Variants in NCOR2 observed in about 807,000 individuals in gnomAD.
NCOR2 encodes the protein nuclear receptor corepressor 2.
NCOR2 carries 81 observed loss-of-function variants against 262.9 expected under a neutral mutation model. That is an observed-to-expected ratio of 0.31 (90% CI 0.26 to 0.37). The LOEUF is 0.37. Among genes scored for constraint, NCOR2 ranks in the 10% least tolerant of loss-of-function variants. The probability of loss-of-function intolerance (pLI) is 1.00; values close to 1 mark genes in which losing one functional copy is unlikely to be tolerated. For synonymous variants in NCOR2, 1,659 were observed against 1,559.3 expected (o/e 1.06, Z -1.51); for missense variants, 3,385 against 3,621.4 (o/e 0.93, Z 1.68).
chr12:124,473,181 A>C (rs1036749536), intron 3 of NCOR2, 50 bp from the exon 6 acceptor site: 1 of 1,600,012 alleles, frequency 6.2e-7, no homozygotes, highest in Admixed American at 1.7e-5. Flanking sequence ...GACACCCCCC[A>C]GTCTGTACAA....
rs2046722736 is a variant in NCOR2 at position 124,469,606 on chromosome 12, G to C, written c.592-3320C>G. ...CTAGCTCTGCTGGGCCTGGATTCAA[G>C]CCTGAGCCCCCCGCTCACCAGCTCT... On this transcript the variant is annotated intron_variant, in intron 4 of 46. Transcript: ENST00000405201. Among the ~76,000 whole-genome samples, 2 of 152,192 alleles carry C rather than the reference G, an allele frequency of 1.3e-5. 1 individual carries two copies. Among genetic ancestry groups the C allele is most frequent in the Non-Finnish European group, 2.9e-5 (2 of 68,028 alleles).
intron 41 of NCOR2, 26 bp downstream of exon 43, chr12:124,334,398 A>C (rs760581984): frequency 3.5e-5 from 53 of 1,508,158 alleles, no homozygotes; most frequent in Non-Finnish European, 4.4e-5. Context: ...GCTGACCAGC[A>C]AGAGGCACCC....
chr12:124,446,354 T>G (rs77632995), intron 7 of NCOR2, among the ~76,000 whole-genome samples: 3,227 of 152,320 alleles, frequency 0.021, 113 homozygotes, highest in African/African-American at 0.074. Context: ...ATCACATTGC[T>G]TCCTGGGATA....
chr12:124,339,505 GCTAT>G (rs2036231011), intron 37 of NCOR2, among the ~76,000 whole-genome samples: 1 of 132,342 alleles, frequency 7.6e-6, no homozygotes, highest in Non-Finnish European at 1.6e-5. Context: ...AGCTAACCCA[GCTAT>G]CTATCCTCTC....
rs560712418 is a variant in NCOR2, at chr12:124,368,335, G to A, written c.2807+3687C>T. ...ACATTCATCGGAACATGCTGGGCCT[G>A]CAACAGTACATCCCCTCTCCACCCA... is the stretch of plus-strand genomic sequence containing the variant. On this transcript the variant is annotated intron_variant, in intron 20 of 46. Coordinates refer to ENST00000405201, the Ensembl canonical transcript of NCOR2. 6.6e-5 allele frequency among the ~76,000 whole-genome samples: 10 copies of A among 152,294 alleles called. No individual in the cohort carries two copies. In the South Asian group the frequency reaches 2.1e-3, roughly 32 times the overall value.
chr12:124,539,053 G>A (rs887056355), upstream of NCOR2: 1 of 152,152 alleles, frequency 6.6e-6, no homozygotes, highest in Admixed American at 6.5e-5. The surrounding 1 kb of genome is among the most constrained non-coding windows in gnomAD (Gnocchi z 5.1). Flanking sequence ...GCGTGGAGTC[G>A]AGGCTGCTCC....
intron 7 of NCOR2, among the ~76,000 whole-genome samples, chr12:124,444,084 C>G (rs1369191851): frequency 6.6e-6 from 1 of 152,086 alleles, no homozygotes; most frequent in Non-Finnish European, 1.5e-5. Context: ...TTTATGATGC[C>G]CACGTGTTCA....
chr12:124,479,371 ACG>A (rs1429105026), intron 3 of NCOR2, among the ~76,000 whole-genome samples: 1 of 151,748 alleles, frequency 6.6e-6, no homozygotes, highest in Non-Finnish European at 1.5e-5. Context: ...ATGCACACTC[ACG>A]CACACACACA....
intron 8 of NCOR2, among the ~76,000 whole-genome samples, chr12:124,437,719 GCC>G: frequency 6.6e-6 from 1 of 151,094 alleles, no homozygotes; most frequent in South Asian, 2.1e-4. Context: ...GGGCCATAGA[GCC>G]CCCCCACCCC....
intron 17 of NCOR2, among the ~76,000 whole-genome samples, chr12:124,385,426 C>T (rs374585194): frequency 5.6e-4 from 85 of 152,282 alleles, no homozygotes; most frequent in Non-Finnish European, 1.1e-3. Context: ...TCTGGTCCAC[C>T]GCGCTCCTTC....
At chr12:124,449,815 A>C in exon 7 of NCOR2, 1 of 1,614,024 alleles carries the variant, frequency 6.2e-7, no homozygotes, top group Non-Finnish European at 8.5e-7. Context: ...GAGCACTCAC[A>C]TTTTGATGTT....
intron 18 of NCOR2, among the ~76,000 whole-genome samples, chr12:124,376,304 C>T (rs1156582514): frequency 1.3e-5 from 2 of 152,184 alleles, no homozygotes; most frequent in South Asian, 2.1e-4. Context: ...GCAAGCGATG[C>T]GGGGGTCGTT....
chr12:124,348,327 C>A lies in NCOR2; in HGVS notation c.3845-13G>T, dbSNP rs375387777. 2 of 1,596,718 alleles carry A rather than the reference C, an allele frequency of 1.3e-6. No homozygotes were observed. The highest frequency in any genetic ancestry group is 8.5e-7 in the Non-Finnish European group (1 of 1,170,358). On this transcript the variant is annotated splice_polypyrimidine_tract_variant and intron_variant, in intron 28 of 46. Coordinates refer to ENST00000405201, the Ensembl canonical transcript of NCOR2. ...ACAGACATGCCACCTGGAAACCACACAAAGCACTCGGTGAGGAGCTGGGCA... is the reference window on the plus strand; with the variant it reads ...ACAGACATGCCACCTGGAAACCACAAAAAGCACTCGGTGAGGAGCTGGGCA...
chr12:124,479,085 G>T (rs1483301865), intron 3 of NCOR2, among the ~76,000 whole-genome samples: 1 of 152,080 alleles, frequency 6.6e-6, no homozygotes, highest in Non-Finnish European at 1.5e-5. Flanking sequence ...GGACGTGCTG[G>T]AGAGGCGGGC....
At chr12:124,430,522 T>G in intron 9 of NCOR2, 93 bp downstream of exon 11, 8 of 1,470,784 alleles carry the variant, frequency 5.4e-6, no homozygotes, top group Non-Finnish European at 7.3e-6. Context: ...GCTGTGCTGT[T>G]CTGTTCCTTC....
intron 18 of NCOR2, among the ~76,000 whole-genome samples, chr12:124,376,307 G>T (rs1314494003): frequency 6.6e-6 from 1 of 152,198 alleles, no homozygotes; most frequent in African/African-American, 2.4e-5. Flanking sequence ...AGCGATGCGG[G>T]GGTCGTTGCC....
chr12:124,566,224 G>A lies in NCOR2; in HGVS notation c.-165+1084C>T, dbSNP rs2137312060. ...AGTTCTCACCAACGGGGGAGAGGAG[G>A]AGGGGGAGGAAGGGAGGAGGCTGAG... On this transcript the variant is annotated intron_variant, in intron 1 of 32. Coordinates refer to the NCOR2 transcript ENST00000458234. The surrounding 1 kb of genome is among the most constrained non-coding windows in gnomAD (Gnocchi z 4.3). Among the ~76,000 whole-genome samples, 1 of 152,316 alleles carries A rather than the reference G, an allele frequency of 6.6e-6. No individual in the cohort carries two copies. The highest frequency in any genetic ancestry group is 2.4e-5 in the African/African-American group (1 of 41,564).
chr12:124,326,253 C>A, exon 46 of NCOR2: 1 of 1,555,854 alleles, frequency 6.4e-7, no homozygotes, highest in Non-Finnish European at 8.7e-7. Context: ...GTTGCAGTCT[C>A]CCTCCGAGTG....
At chr12:124,413,143 C>T (rs2042676297) in intron 13 of NCOR2, among the ~76,000 whole-genome samples, 1 of 152,190 alleles carries the variant, frequency 6.6e-6, no homozygotes, top group Non-Finnish European at 1.5e-5. Context: ...AGGAGGGGCA[C>T]CCATGTCCTT....
Sources: gnomAD v4.1 joint callset for allele counts (sites outside exome capture counted in the v4.1 genomes callset) on GRCh38, gnomAD v4.1.1 for gene constraint, Gnocchi (gnomAD v3.1) non-coding constraint, MANE v1.5 for transcripts, NCBI Gene and HGNC (gene_info 2026-07-23, HGNC 2026-07-21) for gene names.